Variants in SLC2A5 observed in about 807,000 individuals in gnomAD.
SLC2A5 encodes solute carrier family 2 member 5, also known as solute carrier family 2, facilitated glucose transporter member 5.
In SLC2A5, 56 loss-of-function variants were observed where a neutral mutation model predicts 50.3. The observed-to-expected ratio is 1.11, with a 90% CI of 0.90 to 1.39. The LOEUF is 1.39. Among genes scored for constraint, SLC2A5 ranks in the 40% most tolerant of loss-of-function variants. The probability of loss-of-function intolerance (pLI) is 0.00; values close to 1 mark genes in which losing one functional copy is unlikely to be tolerated. For synonymous variants in SLC2A5, 269 were observed against 281.9 expected (o/e 0.95, Z 0.46); for missense variants, 566 against 650.1 (o/e 0.87, Z 1.41).
At chr1:9,039,282 T>C (rs902660776) in intron 8 of SLC2A5, among the ~76,000 whole-genome samples, 4 of 152,164 alleles carry the variant, frequency 2.6e-5, no homozygotes, top group Non-Finnish European at 4.4e-5. Context: ...TCACTCCGGG[T>C]AGCCCGGGCT....
chr1:9,062,134 C>T (rs116155935), intron 1 of SLC2A5, among the ~76,000 whole-genome samples: 9 of 152,244 alleles, frequency 5.9e-5, no homozygotes, highest in African/African-American at 2.2e-4. Context: ...AACAAATATG[C>T]ATGACCAGCT....
At position 9,035,430 on chromosome 1, in the gene SLC2A5, G is replaced by A. The variant is rs1226849564; in HGVS notation, c.*2156C>T. 1 of 152,260 alleles carries A rather than the reference G, an allele frequency of 6.6e-6. No individual in the cohort carries two copies. Among genetic ancestry groups the A allele is most frequent in the Non-Finnish European group, 1.5e-5 (1 of 68,074 alleles). The allele number at this position is 152,260 out of a possible 1,614,324, so 9.4% of individuals were successfully genotyped here. ...AGGCCAAGGATGGTTCAACCACAGTGTTCTGTTTACTTCCTCTGGGCCCGC... is the reference window on the plus strand; with the variant it reads ...AGGCCAAGGATGGTTCAACCACAGTATTCTGTTTACTTCCTCTGGGCCCGC... On this transcript the variant is annotated 3_prime_UTR_variant, in exon 12 of 12. Transcript: ENST00000377424.
intron 10 of SLC2A5, among the ~76,000 whole-genome samples, 200 bp from the exon 11 acceptor site, chr1:9,038,224 GC>G (rs1039941588): frequency 3.9e-5 from 6 of 152,204 alleles, no homozygotes; most frequent in African/African-American, 1.4e-4. Flanking sequence ...CCACTCTGCT[GC>G]CTGCACAGTC....
chr1:9,087,788 C>T (rs1055313677), intron 1 of SLC2A5, among the ~76,000 whole-genome samples: 1 of 152,130 alleles, frequency 6.6e-6, no homozygotes, highest in Non-Finnish European at 1.5e-5. Flanking sequence ...GAATCCACCT[C>T]CAACTGCCCG....
chr1:9,046,513 C>A (rs991054429), intron 4 of SLC2A5, among the ~76,000 whole-genome samples: 2 of 152,154 alleles, frequency 1.3e-5, no homozygotes, highest in Non-Finnish European at 2.9e-5. Context: ...ACGCCCTTGG[C>A]AAACTTTAAA....
intron 1 of SLC2A5, among the ~76,000 whole-genome samples, chr1:9,060,127 C>CA (rs1641882955): frequency 1.4e-5 from 2 of 145,278 alleles, no homozygotes; most frequent in Admixed American, 7.0e-5. Flanking sequence ...TATACACACA[C>CA]ACAACACACA....
chr1:9,055,050 T>G (rs888324886), intron 3 of SLC2A5, among the ~76,000 whole-genome samples: 6 of 152,136 alleles, frequency 3.9e-5, no homozygotes, highest in African/African-American at 1.4e-4. Context: ...ATTAAAAAAA[T>G]AAAGCAACAG....
chr1:9,070,912 T>G (rs1331071046), upstream of SLC2A5, among the ~76,000 whole-genome samples: 1 of 152,150 alleles, frequency 6.6e-6, no homozygotes, highest in African/African-American at 2.4e-5. Context: ...TTTCACCAGC[T>G]ACTGCCTGTC....
intron 1 of SLC2A5, among the ~76,000 whole-genome samples, chr1:9,069,207 G>A (rs1642160384): frequency 6.6e-6 from 1 of 152,236 alleles, no homozygotes; most frequent in Non-Finnish European, 1.5e-5. Context: ...CAGCTAACAT[G>A]TTTGGTTCAA....
chr1:9,085,941 T>A (rs904241824), intron 1 of SLC2A5, among the ~76,000 whole-genome samples: 9 of 152,180 alleles, frequency 5.9e-5, no homozygotes, highest in Admixed American at 6.5e-5. Flanking sequence ...TCTGGTATCA[T>A]GGTCCTAAGA....
rs758141938 is a variant in SLC2A5 at position 9,038,037 on chromosome 1, G to A, written c.1175-13C>T. 1.2e-6 allele frequency: 2 copies of A among 1,613,140 alleles called. No individual in the cohort carries two copies. The highest frequency in any genetic ancestry group is 2.7e-5 in the African/African-American group (2 of 74,916). On this transcript the variant is annotated splice_polypyrimidine_tract_variant and intron_variant, in intron 10 of 11. Coordinates refer to ENST00000377424, the MANE Select transcript of SLC2A5 (RefSeq NM_003039.3). ...GCGGGTATGGGACCTGTAGGGGGAG[G>A]AGAGCAGCCTCCCTGAAGGCAGAGC...
At chr1:9,060,653 C>CCA (rs1252438754) in intron 1 of SLC2A5, among the ~76,000 whole-genome samples, 3 of 131,482 alleles carry the variant, frequency 2.3e-5, no homozygotes, top group East Asian at 2.6e-4. Flanking sequence ...CACACACCCC[C>CCA]CACACACACA....
At chr1:9,083,872 C>T (rs559579366) in intron 2 of SLC2A5, among the ~76,000 whole-genome samples, 3 of 151,874 alleles carry the variant, frequency 2.0e-5, no homozygotes, top group African/African-American at 4.8e-5. Flanking sequence ...CGGCCAGGCA[C>T]GGTGGCTCAC....
At position 9,037,442 on chromosome 1, in the gene SLC2A5, T is replaced by TG; in HGVS notation, c.*143dup. On this transcript the variant is annotated 3_prime_UTR_variant, in exon 12 of 12. Transcript: ENST00000377424. ...AGGCAGCCCTTTGCACAGTTCCCAC[T>TG]GGGGTGGGGAGGCTGGAGATGAGGA... The TG allele has an allele frequency of 1.4e-6, 1 of 701,666 alleles. No individual in the cohort carries two copies. The highest frequency in any genetic ancestry group is 1.7e-5 in the South Asian group (1 of 57,532). The allele number at this position is 701,666 out of a possible 1,614,324, so 43.5% of individuals were successfully genotyped here. A position where few individuals can be genotyped will look rare whatever the true frequency, so the allele number is the denominator to read the frequency against.
chr1:9,083,330 A>G (rs1642372492), intron 2 of SLC2A5, among the ~76,000 whole-genome samples: 1 of 152,184 alleles, frequency 6.6e-6, no homozygotes, highest in Admixed American at 6.5e-5. Flanking sequence ...AGACAGGAAT[A>G]ATACAGGGTG....
At chr1:9,056,986 C>T (rs908917286) in intron 3 of SLC2A5, among the ~76,000 whole-genome samples, 1 of 152,122 alleles carries the variant, frequency 6.6e-6, no homozygotes, top group South Asian at 2.1e-4. Context: ...TCTTTTCTGA[C>T]CCCATTAGAA....
rs541891821 is a variant in SLC2A5 at position 9,057,121 on chromosome 1, G to A, written c.293+327C>T. Reference sequence around the variant, plus strand: ...AGCTTGACCAACATGGTGAAACTCCGTCTCTACTAGAAATACATTAGCTGG... The same window carrying A: ...AGCTTGACCAACATGGTGAAACTCCATCTCTACTAGAAATACATTAGCTGG... On this transcript the variant is annotated intron_variant, in intron 3 of 11. Coordinates refer to ENST00000377424, the MANE Select transcript of SLC2A5 (RefSeq NM_003039.3). Among the ~76,000 whole-genome samples, 6 of 152,084 alleles carry A rather than the reference G, an allele frequency of 3.9e-5. No individual in the cohort carries two copies. In the South Asian group the frequency reaches 8.3e-4, roughly 21 times the overall value.
intron 1 of SLC2A5, 37 bp downstream of exon 1, chr1:9,069,467 C>G: frequency 6.2e-7 from 1 of 1,610,716 alleles, no homozygotes; most frequent in Non-Finnish European, 8.5e-7. Flanking sequence ...GGCAGCCAAG[C>G]CTGCTCTTGG....
At chr1:9,060,842 T>A (rs140507238) in intron 1 of SLC2A5, among the ~76,000 whole-genome samples, 2 of 152,120 alleles carry the variant, frequency 1.3e-5, no homozygotes, top group Non-Finnish European at 2.9e-5. Flanking sequence ...GCGCCCAATG[T>A]GAACAAGCAT....
Sources: allele counts gnomAD v4.1 joint callset (sites outside exome capture counted in the v4.1 genomes callset), GRCh38; gene constraint gnomAD v4.1.1; transcripts MANE v1.5; gene names NCBI Gene and HGNC (gene_info 2026-07-23, HGNC 2026-07-21).